The following GLB1 variants were observed in gnomAD, a reference collection of about 807,000 sequenced individuals.
GLB1 encodes the protein galactosidase beta 1.
Under a neutral mutation model 74.0 loss-of-function variants are expected in GLB1, and 56 were observed. That is an observed-to-expected ratio of 0.76 (90% CI 0.61 to 0.94). The LOEUF is 0.94. Ranked by LOEUF, GLB1 falls within the 40% of genes least tolerant of loss-of-function variation. The pLI is 0.00. For synonymous variants in GLB1, 323 were observed against 323.6 expected, an observed-to-expected ratio of 1.00 and a Z score of 0.02; for missense variants, 787 against 845.5, an observed-to-expected ratio of 0.93 and a Z score of 0.86.
At chr3:32,963,921 A>AC in the GLB1 span, among the ~76,000 whole-genome samples, 1 of 152,324 alleles carries the variant, frequency 6.6e-6, no homozygotes, top group East Asian at 1.9e-4. Flanking sequence ...ACTAAAATAA[A>AC]CCACACAGAG....
intron 1 of GLB1, chr3:33,077,302 G>A: frequency 6.4e-7 from 1 of 1,572,098 alleles, no homozygotes. Context: ...TGCAGTTTAG[G>A]ATTAAGAGGC....
At chr3:33,069,494 C>T (rs527755197) in intron 2 of GLB1, among the ~76,000 whole-genome samples, 1 of 152,334 alleles carries the variant, frequency 6.6e-6, no homozygotes, top group South Asian at 2.1e-4. Context: ...AATGGGCCCA[C>T]TGAGGCTTCC....
the GLB1 span, among the ~76,000 whole-genome samples, chr3:32,980,635 G>T: frequency 6.6e-6 from 1 of 152,040 alleles, no homozygotes; most frequent in Non-Finnish European, 1.5e-5. Context: ...ACAAAAATTA[G>T]CCAGGCATGG....
rs1388540621 is a variant in GLB1, at chr3:33,091,432, C to A, written c.75+5579G>T. On this transcript the variant is annotated intron_variant, in intron 1 of 15. Coordinates refer to ENST00000307363, the MANE Select transcript of GLB1 (RefSeq NM_000404.4). Reference sequence around the variant, plus strand: ...TGCTTTGACACATCACCTGCCCCAGCAGCAGGCAGCTCGCTACCCACTCAC... The same window carrying A: ...TGCTTTGACACATCACCTGCCCCAGAAGCAGGCAGCTCGCTACCCACTCAC... The A allele has an allele frequency of 9.1e-6, 9 of 985,386 alleles. No individual in the cohort carries two copies. The African/African-American group carries it at 1.2e-4, about 13-fold the overall frequency. 61.0% of individuals were successfully genotyped at this position (985,386 alleles called of 1,614,324 possible).
chr3:33,090,299 G>T, intron 1 of GLB1: 2 of 682,448 alleles, frequency 2.9e-6, no homozygotes, highest in African/African-American at 2.0e-5. Context: ...TGGGGCAGGG[G>T]TAGCTGAGAA....
At chr3:33,072,795 C>T in intron 1 of GLB1, 82 bp from the exon 2 acceptor site, 1 of 1,584,334 alleles carries the variant, frequency 6.3e-7, no homozygotes, top group Non-Finnish European at 8.6e-7. Context: ...GCAAGTGACT[C>T]TCTGCCTATT....
chr3:33,028,008 C>T (rs1321025955), intron 10 of GLB1, among the ~76,000 whole-genome samples: 3 of 152,106 alleles, frequency 2.0e-5, no homozygotes, highest in Non-Finnish European at 4.4e-5. Flanking sequence ...TCCAGTGATC[C>T]TCCTGTCTCA....
intron 12 of GLB1, among the ~76,000 whole-genome samples, chr3:33,019,490 C>T (rs1180213788): frequency 6.6e-6 from 1 of 152,118 alleles, no homozygotes; most frequent in African/African-American, 2.4e-5. Flanking sequence ...AGTTTCCCTA[C>T]TTCTAGGGCC....
At position 33,025,594 on chromosome 3, in the gene GLB1, G is replaced by A. The variant is rs544654877; in HGVS notation, c.1069-1269C>T. Among the ~76,000 whole-genome samples the A allele has an allele frequency of 6.7e-3, 1,018 of 151,466 alleles. 8 individuals carry two copies. Among genetic ancestry groups the A allele is most frequent in the Middle Eastern group, 0.034 (10 of 292 alleles). ...AGCCCGGAGCAGCTGCTGCCATCAC[G>A]CTGGCTGTGGCGGAAGGAGGTCGTG... On this transcript the variant is annotated intron_variant, in intron 10 of 15. Coordinates refer to ENST00000307363, the MANE Select transcript of GLB1 (RefSeq NM_000404.4).
chr3:32,991,394 A>T, the GLB1 span, among the ~76,000 whole-genome samples: 6 of 152,154 alleles, frequency 3.9e-5, no homozygotes, highest in African/African-American at 1.4e-4. Context: ...GAAATACACA[A>T]ATTGGAGTGT....
intron 10 of GLB1, chr3:33,034,601 T>C: frequency 1.4e-6 from 1 of 717,428 alleles, no homozygotes; most frequent in East Asian, 2.5e-5. Flanking sequence ...AAATATATGG[T>C]CTCCCAAATT....
chr3:32,971,886 A>G, the GLB1 span, among the ~76,000 whole-genome samples: 2 of 152,200 alleles, frequency 1.3e-5, no homozygotes, highest in Non-Finnish European at 2.9e-5. Flanking sequence ...CATATCGGCA[A>G]CTGCTGGCTA....
intron 15 of GLB1, among the ~76,000 whole-genome samples, chr3:33,002,150 G>A (rs1380469462): frequency 1.3e-5 from 2 of 152,044 alleles, no homozygotes; most frequent in African/African-American, 2.4e-5. Flanking sequence ...CTCTGACCAC[G>A]GCTTGACCCT....
chr3:33,081,973 G>C (rs1197388897), intron 1 of GLB1, among the ~76,000 whole-genome samples: 1 of 152,166 alleles, frequency 6.6e-6, no homozygotes, highest in African/African-American at 2.4e-5. Flanking sequence ...AACAAAATTT[G>C]ATGGAAGGTT....
intron 1 of GLB1, among the ~76,000 whole-genome samples, chr3:33,076,437 T>C (rs1053865220): frequency 1.3e-5 from 2 of 152,166 alleles, no homozygotes; most frequent in African/African-American, 4.8e-5. Flanking sequence ...AATGAAAGAA[T>C]GATAGGACCA....
At chr3:33,002,847 T>C (rs9828592) in intron 15 of GLB1, among the ~76,000 whole-genome samples, 74,064 of 151,874 alleles carry the variant, frequency 0.49, 18,653 homozygotes, top group Middle Eastern at 0.54. Context: ...GGACTTAAAA[T>C]GGGAAAGACA....
rs751963886 is a variant in GLB1 at position 33,093,779 on chromosome 3, C to T, written c.75+3232G>A. ...GCCAGGCCAAGAGCTGGTAGGCCTG[C>T]TCCATGCCGCTGAGGATGAAGAGGA... On this transcript the variant is annotated intron_variant, in intron 1 of 15. Transcript: ENST00000307363. The surrounding 1 kb of genome is among the most constrained non-coding windows in gnomAD (Gnocchi z 6.0). 6.2e-7 allele frequency: 1 copy of T among 1,613,312 alleles called. No homozygotes were observed. The highest frequency in any genetic ancestry group is 1.3e-5 in the African/African-American group (1 of 75,004).
At position 33,016,829 on chromosome 3, in the gene GLB1, T is replaced by G. The variant is rs1157438011; in HGVS notation, c.1359A>C (p.Gly453=). The G allele has an allele frequency of 6.2e-7, 1 of 1,614,046 alleles. No individual in the cohort carries two copies. The highest frequency in any genetic ancestry group is 2.2e-5 in the East Asian group (1 of 44,884). The stretch of plus-strand genomic sequence containing the variant: ...TGATCACATTGTTTCGCTCAAGGAC[T>G]CCCTGGGGGATCTGTGGGGTTCAAG... ...AYVAVDGIPQ[G]VLERNNVITL... Residue 453 remains glycine (G), a synonymous_variant, in exon 14 of 16, where the codon GGA becomes GGC. Coordinates refer to ENST00000307363, the MANE Select transcript of GLB1 (RefSeq NM_000404.4).
Position 32,997,078 on chromosome 3 carries a change from T to C in GLB1, c.2001A>G (p.Gln667=). The change falls in exon 16 of 16, where the codon CAA becomes CAG. Residue 667 remains glutamine, a synonymous_variant. Coordinates refer to ENST00000307363, the MANE Select transcript of GLB1 (RefSeq NM_000404.4). ...VEKRLMPPPP[Q]KNKDSWLDHV ...GGTCCAGCCATGAATCTTTGTTTTT[T>C]TGCGGGGGTGGGGGCATGAGTCTTT... The C allele has an allele frequency of 1.9e-6, 3 of 1,613,896 alleles. No homozygotes were observed. Among genetic ancestry groups the C allele is most frequent in the Non-Finnish European group, 2.5e-6 (3 of 1,179,898 alleles).
Sources: allele counts gnomAD v4.1 joint callset (sites outside exome capture counted in the v4.1 genomes callset), GRCh38; gene constraint gnomAD v4.1.1; non-coding constraint Gnocchi (gnomAD v3.1); transcripts MANE v1.5; gene names NCBI Gene and HGNC (gene_info 2026-07-23, HGNC 2026-07-21).